PDE1C: variants seen among roughly 807,000 people sequenced by gnomAD.
PDE1C encodes the protein phosphodiesterase 1C.
PDE1C carries 62 observed loss-of-function variants against 93.1 expected under a neutral mutation model. The ratio of observed to expected loss-of-function variants is 0.67; its 90% CI spans 0.54 to 0.82. The LOEUF (loss-of-function observed/expected upper bound fraction) is 0.82, where lower values mean the gene tolerates loss of function less well. Ranked by LOEUF, PDE1C falls within the 40% of genes least tolerant of loss-of-function variation. PDE1C has a pLI of 0.00. For missense variants in PDE1C, 742 were observed against 884.6 expected (o/e 0.84, Z 2.04); for synonymous variants, 325 against 310.1 (o/e 1.05, Z -0.50).
the PDE1C span, chr7:31,656,612 C>A: frequency 2.3e-6 from 1 of 433,688 alleles, no homozygotes; most frequent in Non-Finnish European, 3.1e-6. Flanking sequence ...TTATCAGTCT[C>A]AGGAGACAAT....
At chr7:31,943,977 C>T (rs190950603) in intron 2 of PDE1C, among the ~76,000 whole-genome samples, 4 of 152,290 alleles carry the variant, frequency 2.6e-5, no homozygotes, top group Admixed American at 2.0e-4. Flanking sequence ...CTAGTCTTCA[C>T]AAGTGACTTC....
intron 1 of PDE1C, among the ~76,000 whole-genome samples, chr7:32,308,919 GAGA>G (rs750832584): frequency 4.6e-5 from 7 of 151,786 alleles, no homozygotes; most frequent in Non-Finnish European, 1.0e-4. Flanking sequence ...GACGAGTTGA[GAGA>G]AGAAGGCTTC....
At chr7:32,121,825 A>G (rs919347473) in intron 3 of PDE1C, among the ~76,000 whole-genome samples, 2 of 152,218 alleles carry the variant, frequency 1.3e-5, no homozygotes, top group African/African-American at 4.8e-5. Flanking sequence ...AGTGTGCAAA[A>G]TAACCAGATA....
chr7:31,904,773 T>A (rs1800388925), intron 2 of PDE1C, among the ~76,000 whole-genome samples: 1 of 152,170 alleles, frequency 6.6e-6, no homozygotes, highest in African/African-American at 2.4e-5. Context: ...TATAACTGAT[T>A]AACTTTAAAT....
rs1335552557 is a variant in PDE1C at position 32,113,275 on chromosome 7, A to T, written c.308+56510T>A. On this transcript the variant is annotated intron_variant, in intron 3 of 18. Transcript: ENST00000396193. ...TATATATATATATATGGATGTGGAT[A>T]TATTTGGATCCATATATATATTTAT... is the stretch of plus-strand genomic sequence containing the variant. Among the ~76,000 whole-genome samples, 4 of 139,146 alleles carry T rather than the reference A, an allele frequency of 2.9e-5. 1 individual carries two copies. Among genetic ancestry groups the T allele is most frequent in the African/African-American group, 1.1e-4 (4 of 37,646 alleles). 91.3% of individuals were successfully genotyped at this position (139,146 alleles called of 152,430 possible).
intron 1 of PDE1C, among the ~76,000 whole-genome samples, chr7:32,268,305 G>C (rs1336257239): frequency 6.6e-6 from 1 of 152,192 alleles, no homozygotes; most frequent in African/African-American, 2.4e-5. Flanking sequence ...TTTAACTGCT[G>C]TGTTGGCCCC....
At chr7:31,701,036 T>G in the PDE1C span, among the ~76,000 whole-genome samples, 1 of 151,492 alleles carries the variant, frequency 6.6e-6, no homozygotes, top group South Asian at 2.1e-4. Flanking sequence ...CTGGAGCCCC[T>G]GGATTGAGGA....
At chr7:32,031,964 A>G (rs1429617085) in intron 2 of PDE1C, among the ~76,000 whole-genome samples, 1 of 152,222 alleles carries the variant, frequency 6.6e-6, no homozygotes, top group African/African-American at 2.4e-5. Context: ...TTGCTTTCCC[A>G]GTAGTCAGAG....
At chr7:31,677,617 C>T in the PDE1C span, among the ~76,000 whole-genome samples, 1 of 152,070 alleles carries the variant, frequency 6.6e-6, no homozygotes, top group African/African-American at 2.4e-5. Flanking sequence ...GAAAAAAACT[C>T]AATAAACTAT....
intron 1 of PDE1C, among the ~76,000 whole-genome samples, chr7:32,388,211 T>C (rs1038619916): frequency 1.3e-5 from 2 of 152,208 alleles, no homozygotes; most frequent in South Asian, 4.1e-4. Flanking sequence ...AAAATGCTAG[T>C]AAGATATTTT....
intron 3 of PDE1C, among the ~76,000 whole-genome samples, chr7:32,146,749 C>T (rs1368340278): frequency 6.6e-6 from 1 of 152,090 alleles, no homozygotes. Context: ...GATTAGGTAG[C>T]TGTCATCTTT....
chr7:32,290,129 C>T (rs1304872492), intron 1 of PDE1C, among the ~76,000 whole-genome samples: 1 of 152,148 alleles, frequency 6.6e-6, no homozygotes, highest in East Asian at 1.9e-4. Flanking sequence ...GCCTGTCTGC[C>T]AGCAGCACAG....
At chr7:32,317,739 T>C (rs1783205556) in intron 1 of PDE1C, among the ~76,000 whole-genome samples, 1 of 152,182 alleles carries the variant, frequency 6.6e-6, no homozygotes, top group Admixed American at 6.5e-5. Context: ...GCACTGTTCT[T>C]ATTGGTTGCA....
At chr7:32,326,470 A>G (rs992649868) in intron 1 of PDE1C, among the ~76,000 whole-genome samples, 3 of 152,232 alleles carry the variant, frequency 2.0e-5, no homozygotes, top group African/African-American at 7.2e-5. Context: ...GAGGCTGTAC[A>G]GGGCGAGTCA....
intron 3 of PDE1C, among the ~76,000 whole-genome samples, chr7:32,089,230 A>AT (rs942151048): frequency 8.4e-4 from 127 of 151,924 alleles, no homozygotes; most frequent in African/African-American, 2.8e-3. Flanking sequence ...TGTATGTACT[A>AT]TTTTTTTTAC....
chr7:31,983,060 A>G (rs936477799), intron 2 of PDE1C, among the ~76,000 whole-genome samples: 3 of 152,242 alleles, frequency 2.0e-5, no homozygotes, highest in Admixed American at 2.0e-4. Context: ...AGATCATGTC[A>G]TACTGACATG....
intron 1 of PDE1C, among the ~76,000 whole-genome samples, chr7:32,414,986 C>T (rs1487918912): frequency 1.3e-5 from 2 of 152,126 alleles, no homozygotes; most frequent in Non-Finnish European, 2.9e-5. Flanking sequence ...ACACATGGGA[C>T]CTTTTTCTAG....
chr7:32,104,378 C>T (rs1353276056), intron 3 of PDE1C, among the ~76,000 whole-genome samples: 1 of 152,148 alleles, frequency 6.6e-6, no homozygotes, highest in African/African-American at 2.4e-5. Context: ...TTGTTTTGAG[C>T]AAAATATTTC....
intron 3 of PDE1C, among the ~76,000 whole-genome samples, chr7:32,111,392 A>T (rs1010900531): frequency 1.3e-5 from 2 of 152,182 alleles, no homozygotes; most frequent in Non-Finnish European, 2.9e-5. Context: ...AAGACACAAA[A>T]TTGTGTAAGG....
Sources: allele counts gnomAD v4.1 joint callset (sites outside exome capture counted in the v4.1 genomes callset), GRCh38; gene constraint gnomAD v4.1.1; transcripts MANE v1.5; gene names NCBI Gene and HGNC (gene_info 2026-07-23, HGNC 2026-07-21).